The following SLC30A9 variants were observed in gnomAD, a reference collection of about 807,000 sequenced individuals.
SLC30A9 encodes the protein proton-coupled zinc antiporter SLC30A9, mitochondrial.
Under a neutral mutation model 87.5 loss-of-function variants are expected in SLC30A9, and 58 were observed. The observed-to-expected ratio is 0.66, with a 90% CI of 0.54 to 0.82. The LOEUF (loss-of-function observed/expected upper bound fraction) is 0.82, where lower values mean the gene tolerates loss of function less well. Among genes scored for constraint, SLC30A9 ranks in the 40% least tolerant of loss-of-function variants. The pLI is 0.00. For missense variants in SLC30A9, 557 were observed against 679.1 expected, an observed-to-expected ratio of 0.82 and a Z score of 2.00; for synonymous variants, 234 against 233.0, an observed-to-expected ratio of 1.00 and a Z score of -0.04.
chr4:42,034,814 A>G (rs569889397), intron 6 of SLC30A9, among the ~76,000 whole-genome samples: 3 of 152,318 alleles, frequency 2.0e-5, no homozygotes, highest in Non-Finnish European at 2.9e-5. Context: ...GCTGGATTAT[A>G]TGGTAATTCT....
chr4:41,994,268 A>G (rs776912042), intron 1 of SLC30A9, among the ~76,000 whole-genome samples: 7 of 152,190 alleles, frequency 4.6e-5, no homozygotes, highest in Non-Finnish European at 8.8e-5. Flanking sequence ...TGATATTAAC[A>G]GTGAGTTTGT....
At chr4:42,058,835 A>G (rs1717732474) in intron 9 of SLC30A9, among the ~76,000 whole-genome samples, 1 of 152,188 alleles carries the variant, frequency 6.6e-6, no homozygotes, top group Non-Finnish European at 1.5e-5. Flanking sequence ...ATCCCACAAC[A>G]CTTGGGAATT....
intron 6 of SLC30A9, 95 bp from the exon 7 acceptor site, chr4:42,035,180 C>A: frequency 8.1e-7 from 1 of 1,234,080 alleles, no homozygotes; most frequent in Non-Finnish European, 1.1e-6. Flanking sequence ...GCTAGTAGCG[C>A]ATATTTAACA....
intron 1 of SLC30A9, among the ~76,000 whole-genome samples, chr4:41,998,462 C>CTTTTTTTTTTTTTTTTTTTT (rs34295020): frequency 6.9e-6 from 1 of 144,948 alleles, no homozygotes. Context: ...TTCAGTAATT[C>CTTTTTTTTTTTTTTTTTTTT]TTTTTTTTTG....
intron 7 of SLC30A9, among the ~76,000 whole-genome samples, chr4:42,037,363 G>T (rs1716727462): frequency 1.4e-5 from 2 of 146,008 alleles, no homozygotes; most frequent in Admixed American, 7.2e-5. Flanking sequence ...CAGTGTTCTG[G>T]GTCTGCTCCT....
intron 14 of SLC30A9, among the ~76,000 whole-genome samples, chr4:42,068,844 C>T (rs760602104): frequency 5.3e-5 from 8 of 152,062 alleles, no homozygotes; most frequent in South Asian, 4.1e-4. Flanking sequence ...TTTTTATTTT[C>T]GAAAACAACC....
chr4:42,030,527 G>A (rs1716381129), intron 6 of SLC30A9, among the ~76,000 whole-genome samples: 1 of 150,668 alleles, frequency 6.6e-6, no homozygotes, highest in Non-Finnish European at 1.5e-5. Flanking sequence ...CTTTATGTGA[G>A]CAGGTTTTGC....
At chr4:42,037,239 C>CTTTTTTT (rs536795831) in intron 7 of SLC30A9, among the ~76,000 whole-genome samples, 22 of 91,208 alleles carry the variant, frequency 2.4e-4, no homozygotes, top group East Asian at 9.1e-4. Flanking sequence ...TAAATGCCTT[C>CTTTTTTT]TTTTTTTTTT....
At chr4:42,005,462 G>C (rs758211326) in intron 2 of SLC30A9, among the ~76,000 whole-genome samples, 1 of 152,146 alleles carries the variant, frequency 6.6e-6, no homozygotes, top group Non-Finnish European at 1.5e-5. Context: ...CTTACTTGCT[G>C]TTCCCTTCTA....
chr4:42,081,484 A>G (rs753550755), intron 17 of SLC30A9, among the ~76,000 whole-genome samples: 7 of 152,242 alleles, frequency 4.6e-5, no homozygotes, highest in Non-Finnish European at 1.0e-4. Context: ...CTGTGAAAAT[A>G]GTTGTGACCT....
At chr4:42,029,604 C>T (rs546386440) in intron 6 of SLC30A9, 5 of 706,852 alleles carry the variant, frequency 7.1e-6, no homozygotes, top group South Asian at 6.5e-5. Context: ...ACAATGTGCC[C>T]AGTGAACCCA....
rs1280207163 is a variant in SLC30A9 at position 42,089,689 on chromosome 4, T to C, written c.*3563T>C. 1 of 152,388 alleles carries C rather than the reference T, an allele frequency of 6.6e-6. No homozygotes were observed. The highest frequency in any genetic ancestry group is 1.5e-5 in the Non-Finnish European group (1 of 68,174). 9.4% of individuals were successfully genotyped at this position (152,388 alleles called of 1,614,324 possible). On this transcript the variant is annotated 3_prime_UTR_variant, in exon 18 of 18. Coordinates refer to ENST00000264451, the MANE Select transcript of SLC30A9 (RefSeq NM_006345.4). ...TCCTCGGCTTCCCAAAGTGCTGGGATTACAGGTGTGAGCCACTGCTCCGGT... is the reference window on the plus strand; with the variant it reads ...TCCTCGGCTTCCCAAAGTGCTGGGACTACAGGTGTGAGCCACTGCTCCGGT...
Position 42,089,075 on chromosome 4 carries a change from T to C in SLC30A9, c.*2949T>C, listed in dbSNP as rs867884198. 1 of 152,340 alleles carries C rather than the reference T, an allele frequency of 6.6e-6. No homozygotes were observed. Among genetic ancestry groups the C allele is most frequent in the South Asian group, 2.1e-4 (1 of 4,834 alleles). The allele number at this position is 152,340 out of a possible 1,614,324, so 9.4% of individuals were successfully genotyped here. On this transcript the variant is annotated 3_prime_UTR_variant, in exon 18 of 18. Coordinates refer to ENST00000264451, the MANE Select transcript of SLC30A9 (RefSeq NM_006345.4). ...GCATTTGAGTATTAAAGCATATAAA[T>C]CATTTTTAAGGAAAATATTCTCTGC...
intron 3 of SLC30A9, among the ~76,000 whole-genome samples, chr4:42,019,428 T>G (rs1715850218): frequency 6.6e-6 from 1 of 152,228 alleles, no homozygotes; most frequent in South Asian, 2.1e-4. Flanking sequence ...CTGGCCTTTT[T>G]ATGAGCAGTT....
intron 2 of SLC30A9, among the ~76,000 whole-genome samples, chr4:42,011,421 A>G (rs1324715632): frequency 2.6e-5 from 4 of 152,174 alleles, no homozygotes; most frequent in African/African-American, 7.2e-5. Context: ...GAGCCAAACC[A>G]TATCAACCAG....
Position 42,043,390 on chromosome 4 carries a change from C to G in SLC30A9, c.737+4337C>G, listed in dbSNP as rs1373219923. Among the ~76,000 whole-genome samples, 3 of 151,952 alleles carry G rather than the reference C, an allele frequency of 2.0e-5. No homozygotes were observed. In the East Asian group the frequency reaches 5.8e-4, roughly 29 times the overall value. ...GAAGAACATAAATGACCTGATGGAG[C>G]TGAAAAACACAGCATGAGAACTTTG... On this transcript the variant is annotated intron_variant, in intron 8 of 17. Coordinates refer to ENST00000264451, the MANE Select transcript of SLC30A9 (RefSeq NM_006345.4).
At chr4:42,080,038 T>G (rs1168233759) in intron 17 of SLC30A9, among the ~76,000 whole-genome samples, 1 of 152,234 alleles carries the variant, frequency 6.6e-6, no homozygotes, top group Non-Finnish European at 1.5e-5. Flanking sequence ...CATTCCCATA[T>G]CTGCTTCTGC....
Position 42,010,001 on chromosome 4 carries a change from G to A in SLC30A9, c.275-8110G>A, listed in dbSNP as rs537199297. ...AAAGATACTTTAGAATTTGCTTGCT[G>A]TGTAGCGAGACAAAAATAAAATCAT... On this transcript the variant is annotated intron_variant, in intron 2 of 17. Transcript: ENST00000264451. Among the ~76,000 whole-genome samples, 53 of 152,288 alleles carry A rather than the reference G, an allele frequency of 3.5e-4. 1 individual carries two copies. The highest frequency in any genetic ancestry group is 1.3e-3 in the African/African-American group (52 of 41,552).
At chr4:42,007,614 G>C (rs1019737844) in intron 2 of SLC30A9, among the ~76,000 whole-genome samples, 1 of 152,082 alleles carries the variant, frequency 6.6e-6, no homozygotes, top group East Asian at 1.9e-4. Flanking sequence ...AGCCGGAGCC[G>C]GGCATGGTGG....
Sources: gnomAD v4.1 joint callset for allele counts (sites outside exome capture counted in the v4.1 genomes callset) on GRCh38, gnomAD v4.1.1 for gene constraint, MANE v1.5 for transcripts, NCBI Gene and HGNC (gene_info 2026-07-23, HGNC 2026-07-21) for gene names.